The following ASIC2 variants were observed in gnomAD, a reference collection of about 807,000 sequenced individuals.
ASIC2 encodes acid sensing ion channel subunit 2.
In ASIC2, 25 loss-of-function variants were observed where a neutral mutation model predicts 57.3. The observed-to-expected ratio is 0.44, with a 90% CI of 0.32 to 0.61. The LOEUF (loss-of-function observed/expected upper bound fraction) is 0.61. ASIC2 is among the 20% of genes least tolerant of loss of function. ASIC2 has a pLI of 0.06. For missense variants in ASIC2, 641 were observed against 738.1 expected (o/e 0.87, Z 1.52); for synonymous variants, 319 against 307.5 (o/e 1.04, Z -0.39).
chr17:33,823,114 T>G (rs7212053), intron 1 of ASIC2, among the ~76,000 whole-genome samples: 123,427 of 152,128 alleles, frequency 0.81, 50,437 homozygotes, highest in African/African-American at 0.85. Context: ...TATAGACATT[T>G]ATCCTTTATT....
chr17:33,718,023 T>G (rs1033882879), intron 1 of ASIC2, among the ~76,000 whole-genome samples: 1 of 152,108 alleles, frequency 6.6e-6, no homozygotes, highest in African/African-American at 2.4e-5. Context: ...CAGAAGGGGT[T>G]TCTACAGCTG....
rs180769046 is a variant in ASIC2 at position 33,933,183 on chromosome 17, T to C, written c.555+222795A>G. On this transcript the variant is annotated intron_variant, in intron 1 of 9. Coordinates refer to the ASIC2 transcript ENST00000359872. ...ATGCTGTTACTTCTGCCTAAAACAC[T>C]CTCCCCTGGACAGTTGCATGCTTAG... is the stretch of plus-strand genomic sequence containing the variant. Among the ~76,000 whole-genome samples the C allele has an allele frequency of 8.2e-3, 1,254 of 152,214 alleles. 22 individuals carry two copies. The highest frequency in any genetic ancestry group is 0.028 in the African/African-American group (1,165 of 41,524).
intron 1 of ASIC2, among the ~76,000 whole-genome samples, chr17:33,526,089 A>G (rs1231842533): frequency 6.6e-6 from 1 of 152,208 alleles, no homozygotes; most frequent in Non-Finnish European, 1.5e-5. Context: ...ATTCAGCCCC[A>G]AGTAAACTGT....
intron 1 of ASIC2, among the ~76,000 whole-genome samples, chr17:34,025,205 C>T (rs562561879): frequency 6.6e-6 from 1 of 152,230 alleles, no homozygotes; most frequent in Non-Finnish European, 1.5e-5. Flanking sequence ...GAGTCTTTGT[C>T]TGGAAGGTAT....
At chr17:34,012,441 C>T (rs1450456176) in intron 1 of ASIC2, among the ~76,000 whole-genome samples, 1 of 152,224 alleles carries the variant, frequency 6.6e-6, no homozygotes, top group Non-Finnish European at 1.5e-5. Flanking sequence ...CATGCGGTTG[C>T]ACATCCCACA....
chr17:33,179,205 G>C (rs1010040447), intron 1 of ASIC2, among the ~76,000 whole-genome samples: 3 of 152,144 alleles, frequency 2.0e-5, no homozygotes, highest in African/African-American at 7.2e-5. Context: ...TTAATGGAAG[G>C]AAACCAGCTC....
At chr17:33,591,463 C>A (rs897804640) in intron 1 of ASIC2, among the ~76,000 whole-genome samples, 1 of 152,150 alleles carries the variant, frequency 6.6e-6, no homozygotes, top group Admixed American at 6.5e-5. Flanking sequence ...GACCTTTTCT[C>A]AGTGCAAAGC....
rs146418319 is a variant in ASIC2, at chr17:33,313,216, C to T, written c.556-201149G>A. Among the ~76,000 whole-genome samples the T allele has an allele frequency of 2.6e-4, 40 of 151,852 alleles. No homozygotes were observed. In the East Asian group the frequency reaches 3.3e-3, roughly 13 times the overall value. ...TGGTGTGTATCTGTAGTCTCAGCTA[C>T]TCAGGAGGCTGAGGTGGGCAGGGTT... On this transcript the variant is annotated intron_variant, in intron 1 of 9. Transcript: ENST00000359872.
rs575852962 is a variant in ASIC2, at chr17:33,079,078, A to C, written c.987+9785T>G. ...ATTAATGGGTCTCAAGCAGGCTGTGACATGATAAAGTCCTCTCTCTCACAT... is the reference window on the plus strand; with the variant it reads ...ATTAATGGGTCTCAAGCAGGCTGTGCCATGATAAAGTCCTCTCTCTCACAT... On this transcript the variant is annotated intron_variant, in intron 3 of 9. Transcript: ENST00000225823. Among the ~76,000 whole-genome samples the C allele has an allele frequency of 3.3e-5, 5 of 152,282 alleles. No homozygotes were observed. In the South Asian group the frequency reaches 1.0e-3, roughly 32 times the overall value.
intron 1 of ASIC2, among the ~76,000 whole-genome samples, chr17:33,584,806 G>A (rs539134180): frequency 1.3e-5 from 2 of 152,232 alleles, no homozygotes; most frequent in South Asian, 4.1e-4. Context: ...AAGCCTGAGA[G>A]TGCTGAGCCG....
chr17:34,114,509 C>G (rs1012839868), intron 1 of ASIC2, among the ~76,000 whole-genome samples: 2 of 152,196 alleles, frequency 1.3e-5, no homozygotes, highest in African/African-American at 4.8e-5. Context: ...GAACCTGACT[C>G]TGCCACTCAC....
chr17:33,025,786 C>T, intron 5 of ASIC2, 140 bp downstream of exon 5: 1 of 781,038 alleles, frequency 1.3e-6, no homozygotes, highest in Non-Finnish European at 1.9e-6. Flanking sequence ...CCTGCAGCAA[C>T]TCCACCCGAC....
intron 1 of ASIC2, among the ~76,000 whole-genome samples, chr17:33,869,399 A>C (rs1164034956): frequency 6.6e-6 from 1 of 152,220 alleles, no homozygotes; most frequent in Non-Finnish European, 1.5e-5. Context: ...GTATATACTC[A>C]AGAGAAATAA....
chr17:33,508,369 A>C (rs1418973410), intron 1 of ASIC2, among the ~76,000 whole-genome samples: 1 of 152,188 alleles, frequency 6.6e-6, no homozygotes, highest in Admixed American at 6.5e-5. Context: ...TACTAACAGG[A>C]ATCACAACCT....
At chr17:33,324,225 C>T (rs1441711369) in intron 1 of ASIC2, among the ~76,000 whole-genome samples, 3 of 152,102 alleles carry the variant, frequency 2.0e-5, no homozygotes, top group African/African-American at 7.2e-5. Context: ...AAGACCTCTT[C>T]TCATTAATTT....
chr17:33,926,954 T>C (rs1179173528), intron 1 of ASIC2, among the ~76,000 whole-genome samples: 3 of 151,730 alleles, frequency 2.0e-5, no homozygotes, highest in Non-Finnish European at 4.4e-5. Context: ...TGAGACAGAG[T>C]CTCGCTCTGT....
intron 1 of ASIC2, among the ~76,000 whole-genome samples, chr17:33,332,978 T>C (rs1907375520): frequency 6.6e-6 from 1 of 152,188 alleles, no homozygotes; most frequent in Non-Finnish European, 1.5e-5. Context: ...TCTCATTGAA[T>C]TTTTCTGGCC....
At chr17:33,701,769 C>A (rs1167449983) in intron 1 of ASIC2, among the ~76,000 whole-genome samples, 1 of 152,186 alleles carries the variant, frequency 6.6e-6, no homozygotes, top group South Asian at 2.1e-4. Flanking sequence ...ACTTAATCGG[C>A]CAGAAAGCCT....
At chr17:33,180,028 A>G (rs1298397429) in intron 1 of ASIC2, among the ~76,000 whole-genome samples, 2 of 152,206 alleles carry the variant, frequency 1.3e-5, no homozygotes, top group African/African-American at 4.8e-5. Context: ...GGCTCTCTAC[A>G]TAAACAGCAG....
Sources: gnomAD v4.1 joint callset for allele counts (sites outside exome capture counted in the v4.1 genomes callset) on GRCh38, gnomAD v4.1.1 for gene constraint, MANE v1.5 for transcripts, NCBI Gene and HGNC (gene_info 2026-07-23, HGNC 2026-07-21) for gene names.